The following NPAS1 variants were observed in gnomAD, a reference collection of about 807,000 sequenced individuals.
The protein encoded by NPAS1 is neuronal PAS domain protein 1.
A neutral mutation model predicts 49.2 loss-of-function variants in NPAS1; 29 were observed. The ratio of observed to expected loss-of-function variants is 0.59; its 90% CI spans 0.44 to 0.80. The LOEUF is 0.80. Among genes scored for constraint, NPAS1 ranks in the 30% least tolerant of loss-of-function variants. The pLI is 0.00. For synonymous variants in NPAS1, 408 were observed against 380.4 expected (o/e 1.07, Z -0.84); for missense variants, 825 against 835.5 (o/e 0.99, Z 0.15).
Position 47,041,109 on chromosome 19 carries a change from G to A in NPAS1, c.1201G>A (p.Val401Ile). 6.3e-7 allele frequency: 1 copy of A among 1,590,614 alleles called. No homozygotes were observed. ...KSPGEHHVLW[V>I]SHVLSQAEGG... is the part of the protein sequence containing the mutation. ...CCCCGGGGAGCACCATGTGCTTTGG[G>A]TCAGCCACGTGCTCAGGTGAGGGCT... The change falls in exon 10 of 12, where the codon GTC (valine) becomes ATC (isoleucine). Residue 401 changes from valine (V) to isoleucine (I), a missense_variant. Coordinates refer to ENST00000602212, the MANE Select transcript of NPAS1 (RefSeq NM_002517.4).
At chr19:47,030,334 T>C (rs2056897641) in intron 3 of NPAS1, among the ~76,000 whole-genome samples, 2 of 152,020 alleles carry the variant, frequency 1.3e-5, no homozygotes, top group Admixed American at 1.3e-4. Flanking sequence ...TTTCTACTTT[T>C]TTGATGCTAG....
rs1228004645 is a variant in NPAS1 at position 47,036,198 on chromosome 19, A to G, written c.688+69A>G. 2.1e-6 allele frequency: 3 copies of G among 1,457,810 alleles called. No individual in the cohort carries two copies. The East Asian group carries it at 7.4e-5, about 36-fold the overall frequency. The allele number at this position is 1,457,810 out of a possible 1,614,324, so 90.3% of individuals were successfully genotyped here. On this transcript the variant is annotated intron_variant, in intron 6 of 11. Transcript: ENST00000602212. The stretch of plus-strand genomic sequence containing the variant: ...GGGGGACGCCCGCTGTACTGTATCC[A>G]GCCATGCCGCGTTTATACAAATAGC...
At chr19:47,033,085 G>A (rs1302086054) in intron 5 of NPAS1, among the ~76,000 whole-genome samples, 4 of 142,378 alleles carry the variant, frequency 2.8e-5, no homozygotes, top group African/African-American at 5.3e-5. Flanking sequence ...GACTACAGGC[G>A]CCCACCACAC....
At chr19:47,035,905 G>T in intron 5 of NPAS1, 59 bp from the exon 6 acceptor site, 1 of 1,452,578 alleles carries the variant, frequency 6.9e-7, no homozygotes, top group Non-Finnish European at 9.1e-7. Flanking sequence ...CCCAGAGGGC[G>T]AGCGAGTTAC....
chr19:47,040,365 A>C, intron 8 of NPAS1, 79 bp from the exon 9 acceptor site: 1 of 942,092 alleles, frequency 1.1e-6, no homozygotes, highest in Admixed American at 2.2e-5. Flanking sequence ...TGTGAACCCC[A>C]GGGGACTCTG....
chr19:47,026,354 G>A (rs1259455458), intron 3 of NPAS1, among the ~76,000 whole-genome samples: 2 of 152,228 alleles, frequency 1.3e-5, no homozygotes, highest in African/African-American at 4.8e-5. Flanking sequence ...GAGGCAGGTG[G>A]GGATCAGCTT....
chr19:47,038,938 A>T (rs1250260515), intron 6 of NPAS1, 98 bp from the exon 7 acceptor site: 1 of 1,001,270 alleles, frequency 1.0e-6, no homozygotes, highest in Non-Finnish European at 1.6e-6. Context: ...GGCCCAGCGG[A>T]CATCTTGTGT....
At chr19:47,036,791 A>G (rs1347864221) in intron 6 of NPAS1, among the ~76,000 whole-genome samples, 1 of 151,680 alleles carries the variant, frequency 6.6e-6, no homozygotes, top group Non-Finnish European at 1.5e-5. Context: ...CTGAGGCAGA[A>G]GGATCACTTG....
intron 3 of NPAS1, among the ~76,000 whole-genome samples, chr19:47,022,678 G>C (rs113443039): frequency 0.69 from 104,180 of 151,798 alleles, 36,573 homozygotes; most frequent in African/African-American, 0.83. Flanking sequence ...CGCTGGGATT[G>C]AGCAGGAGAA....
Position 47,025,427 on chromosome 19 carries a change from C to A in NPAS1, c.358+3580C>A, listed in dbSNP as rs558611950. On this transcript the variant is annotated intron_variant, in intron 3 of 11. Coordinates refer to ENST00000602212, the MANE Select transcript of NPAS1 (RefSeq NM_002517.4). Reference sequence around the variant, plus strand: ...CCTAATAGCTGGGATTACAGGCATGCGCCACCACGCCCAGCTAATTTTGTA... The same window carrying A: ...CCTAATAGCTGGGATTACAGGCATGAGCCACCACGCCCAGCTAATTTTGTA... Among the ~76,000 whole-genome samples the A allele has an allele frequency of 1.4e-3, 187 of 130,960 alleles. 13 individuals carry two copies. The highest frequency in any genetic ancestry group is 4.4e-3 in the African/African-American group (176 of 40,046). 85.9% of individuals were successfully genotyped at this position (130,960 alleles called of 152,430 possible). A position where few individuals can be genotyped will look rare whatever the true frequency, so the allele number is the denominator to read the frequency against.
At position 47,025,384 on chromosome 19, in the gene NPAS1, T is replaced by C. The variant is rs1184732699; in HGVS notation, c.358+3537T>C. 1.1e-3 allele frequency among the ~76,000 whole-genome samples: 144 copies of C among 132,996 alleles called. 38 individuals carry two copies. Among genetic ancestry groups the C allele is most frequent in the Non-Finnish European group, 2.7e-4 (16 of 59,074 alleles). The allele number at this position is 132,996 out of a possible 152,430, so 87.3% of individuals were successfully genotyped here. On this transcript the variant is annotated intron_variant, in intron 3 of 11. Coordinates refer to ENST00000602212, the MANE Select transcript of NPAS1 (RefSeq NM_002517.4). ...ACCTCCTTCTCCTGGGTTCAAGCGA[T>C]TCTCCTGCTTCAGCCTCCCTAATAG... is the stretch of plus-strand genomic sequence containing the variant.
At chr19:47,027,307 T>C (rs2056877104) in intron 3 of NPAS1, among the ~76,000 whole-genome samples, 1 of 126,782 alleles carries the variant, frequency 7.9e-6, no homozygotes, top group Non-Finnish European at 1.7e-5. Flanking sequence ...AGGCCTTGGC[T>C]TCTGCCTTCT....
In NPAS1 at chr19:47,041,838, G is replaced by A. The variant is rs545293736; in HGVS notation, c.1217+713G>A. Among the ~76,000 whole-genome samples the A allele has an allele frequency of 4.0e-5, 6 of 151,624 alleles. No individual in the cohort carries two copies. In the South Asian group the frequency reaches 6.2e-4, roughly 16 times the overall value. On this transcript the variant is annotated intron_variant, in intron 10 of 11. Transcript: ENST00000602212. ...AAAAAAAAATTTTTTTAATTGGCCC[G>A]TTACAGTGGCACGCACCTGTGGTCC...
chr19:47,034,997 C>T (rs1056348761), intron 5 of NPAS1, among the ~76,000 whole-genome samples: 5 of 151,306 alleles, frequency 3.3e-5, no homozygotes, highest in Non-Finnish European at 7.4e-5. Context: ...GCCTGACCAA[C>T]ATGGAGAAAC....
Position 47,035,995 on chromosome 19 carries a change from A to G in NPAS1, c.554A>G (p.Tyr185Cys). 2 of 1,555,188 alleles carry G rather than the reference A, an allele frequency of 1.3e-6. No homozygotes were observed. Reference protein sequence around the residue: ...VEMTGSSVFDYIHPGDHSEVL... With the variant: ...VEMTGSSVFDCIHPGDHSEVL... ...ATGACGGGCAGCAGCGTCTTCGACTACATTCACCCTGGGGACCACTCAGAG... is the reference window on the plus strand; with the variant it reads ...ATGACGGGCAGCAGCGTCTTCGACTGCATTCACCCTGGGGACCACTCAGAG... Residue 185 changes from tyrosine to cysteine, a missense_variant, in exon 6 of 12, where the codon TAC becomes TGC. Coordinates refer to ENST00000602212, the MANE Select transcript of NPAS1 (RefSeq NM_002517.4).
chr19:47,037,537 C>T (rs910338696), intron 6 of NPAS1, among the ~76,000 whole-genome samples: 3 of 152,050 alleles, frequency 2.0e-5, no homozygotes, highest in South Asian at 2.1e-4. Flanking sequence ...GGGGTCAGCA[C>T]GCCTAACCCT....
At chr19:47,028,525 G>A (rs1263872300) in intron 3 of NPAS1, among the ~76,000 whole-genome samples, 2 of 152,148 alleles carry the variant, frequency 1.3e-5, no homozygotes, top group Non-Finnish European at 2.9e-5. Flanking sequence ...TCCCGGCTCT[G>A]TGCTGCAGCA....
At chr19:47,040,587 C>T in intron 9 of NPAS1, 37 bp downstream of exon 9, 1 of 1,398,514 alleles carries the variant, frequency 7.2e-7, no homozygotes, top group Non-Finnish European at 9.9e-7. Flanking sequence ...CTGCCTACCA[C>T]CCCCCAGACC....
chr19:47,025,614 C>T (rs910614671), intron 3 of NPAS1, among the ~76,000 whole-genome samples: 6 of 151,130 alleles, frequency 4.0e-5, no homozygotes, highest in East Asian at 2.0e-4. Flanking sequence ...CTTGCTCTGT[C>T]GCCCAGGCTG....
Sources: allele counts gnomAD v4.1 joint callset (sites outside exome capture counted in the v4.1 genomes callset), GRCh38; gene constraint gnomAD v4.1.1; transcripts MANE v1.5; gene names NCBI Gene and HGNC (gene_info 2026-07-23, HGNC 2026-07-21).